The following TAS2R1 variants were observed in gnomAD, a reference collection of about 807,000 sequenced individuals.
TAS2R1 encodes taste receptor type 2 member 1.
For missense variants in TAS2R1, 370 were observed against 353.4 expected (o/e 1.05, Z -0.38); for synonymous variants, 141 against 134.2 (o/e 1.05, Z -0.35).
At chr5:9,739,097 CT>C in the TAS2R1 span, among the ~76,000 whole-genome samples, 1 of 152,194 alleles carries the variant, frequency 6.6e-6, no homozygotes, top group Non-Finnish European at 1.5e-5. Context: ...CCTTTAACTG[CT>C]TTATTAATGG....
chr5:9,889,181 G>A, the TAS2R1 span, among the ~76,000 whole-genome samples: 1 of 152,316 alleles, frequency 6.6e-6, no homozygotes, highest in East Asian at 1.9e-4. Flanking sequence ...GAGCTTGCAG[G>A]GGAATGCTCA....
the TAS2R1 span, among the ~76,000 whole-genome samples, chr5:9,756,046 C>A: frequency 1.3e-5 from 2 of 152,182 alleles, no homozygotes; most frequent in African/African-American, 2.4e-5. Context: ...CTTTATTCTA[C>A]CCAGCCCCAA....
At chr5:9,715,172 G>A (rs566125662), upstream of TAS2R1, among the ~76,000 whole-genome samples, 13 of 152,360 alleles carry the variant, frequency 8.5e-5, no homozygotes, top group African/African-American at 3.1e-4. Context: ...TGTAAAGGGA[G>A]CTCCTGAAAG....
chr5:9,684,666 C>T (rs1741091301), intron 1 of TAS2R1, among the ~76,000 whole-genome samples: 1 of 152,058 alleles, frequency 6.6e-6, no homozygotes, highest in Admixed American at 6.6e-5. Flanking sequence ...TGGGACTCAG[C>T]ACGCCACCAC....
chr5:9,676,806 T>C (rs1740885944), intron 1 of TAS2R1, among the ~76,000 whole-genome samples: 1 of 152,150 alleles, frequency 6.6e-6, no homozygotes, highest in Admixed American at 6.6e-5. Flanking sequence ...ACAGTTTTGG[T>C]GGGAGTATAA....
the TAS2R1 span, among the ~76,000 whole-genome samples, chr5:9,872,755 G>T: frequency 6.6e-6 from 1 of 152,194 alleles, no homozygotes; most frequent in Non-Finnish European, 1.5e-5. Context: ...ATGAAGAAAT[G>T]ATATTTTAAT....
intron 1 of TAS2R1, among the ~76,000 whole-genome samples, chr5:9,672,735 G>T (rs79006282): frequency 0.015 from 2,334 of 152,204 alleles, 25 homozygotes; most frequent in Non-Finnish European, 0.023. Flanking sequence ...ATTTTTCAAA[G>T]AACTTATCTT....
chr5:9,826,666 A>T, the TAS2R1 span, among the ~76,000 whole-genome samples: 27 of 152,232 alleles, frequency 1.8e-4, no homozygotes, highest in Admixed American at 1.8e-3. Context: ...ACATAAAAAA[A>T]GAGGTTTGCT....
intron 1 of TAS2R1, among the ~76,000 whole-genome samples, chr5:9,671,477 C>T (rs1222656251): frequency 3.3e-5 from 5 of 152,096 alleles, no homozygotes; most frequent in African/African-American, 1.2e-4. Flanking sequence ...AAATCAGCAG[C>T]ATTTCCATAC....
chr5:9,833,221 G>A, the TAS2R1 span, among the ~76,000 whole-genome samples: 14 of 152,156 alleles, frequency 9.2e-5, no homozygotes, highest in Admixed American at 7.2e-4. Context: ...TCTGTCCTTT[G>A]TCCGTAAGGA....
the TAS2R1 span, among the ~76,000 whole-genome samples, chr5:9,758,844 AACTAATATAGAATAATTT>A: frequency 6.6e-6 from 1 of 152,200 alleles, no homozygotes; most frequent in African/African-American, 2.4e-5. Context: ...GGGGCTTCTA[AACTAATATAGAATAATTT>A]TCAAATGGTA....
chr5:9,765,514 C>G, the TAS2R1 span: 1 of 151,700 alleles, frequency 6.6e-6, no homozygotes, highest in African/African-American at 2.4e-5. Flanking sequence ...AAAAAATCCA[C>G]GAAACTTCAT....
At chr5:9,755,282 A>C in the TAS2R1 span, among the ~76,000 whole-genome samples, 5 of 152,170 alleles carry the variant, frequency 3.3e-5, no homozygotes, top group Non-Finnish European at 7.4e-5. Context: ...AAGCAACTTT[A>C]TTAAGAAAGT....
At chr5:9,743,270 A>G in the TAS2R1 span, among the ~76,000 whole-genome samples, 1 of 150,820 alleles carries the variant, frequency 6.6e-6, no homozygotes, top group African/African-American at 2.4e-5. Flanking sequence ...AAATAGGGAG[A>G]TTTCTAAGTT....
chr5:9,840,817 T>C, the TAS2R1 span, among the ~76,000 whole-genome samples: 1 of 150,796 alleles, frequency 6.6e-6, no homozygotes. Flanking sequence ...TCACATTCAC[T>C]TTATTTTTCA....
the TAS2R1 span, among the ~76,000 whole-genome samples, chr5:9,768,128 C>T: frequency 5.3e-5 from 8 of 152,202 alleles, no homozygotes; most frequent in Non-Finnish European, 8.8e-5. Context: ...TCCATCCTTA[C>T]GTTCCCCACA....
chr5:9,639,545 C>T (rs1740031662), intron 2 of TAS2R1, among the ~76,000 whole-genome samples: 1 of 152,154 alleles, frequency 6.6e-6, no homozygotes, highest in Admixed American at 6.5e-5. Flanking sequence ...CTGGCATGTT[C>T]CTGCAGTGGT....
chr5:9,889,453 C>G, the TAS2R1 span, among the ~76,000 whole-genome samples: 2 of 152,144 alleles, frequency 1.3e-5, no homozygotes, highest in African/African-American at 4.8e-5. Context: ...CTAAAAATAC[C>G]TTTTGGGCTG....
At chr5:9,786,873 T>A in the TAS2R1 span, among the ~76,000 whole-genome samples, 1 of 152,242 alleles carries the variant, frequency 6.6e-6, no homozygotes, top group Non-Finnish European at 1.5e-5. Flanking sequence ...TTGTTGTAGC[T>A]GAAACATACT....
Sources: allele counts gnomAD v4.1 joint callset (sites outside exome capture counted in the v4.1 genomes callset), GRCh38; gene constraint gnomAD v4.1.1; transcripts MANE v1.5; gene names NCBI Gene and HGNC (gene_info 2026-07-23, HGNC 2026-07-21).